The following ZNF808 variants were observed in gnomAD, a reference collection of about 807,000 sequenced individuals.
The protein encoded by ZNF808 is zinc finger protein 808.
A neutral mutation model predicts 8.7 loss-of-function variants in ZNF808; 5 were observed. That is an observed-to-expected ratio of 0.58 (90% CI 0.30 to 1.21). The LOEUF is 1.21. Ranked by LOEUF, ZNF808 falls within the 50% of genes most tolerant of loss-of-function variation. The pLI is 0.07. For missense variants in ZNF808, 1,103 were observed against 1,098.4 expected (o/e 1.00, Z -0.06); for synonymous variants, 380 against 366.0 (o/e 1.04, Z -0.44).
At position 52,547,706 on chromosome 19, in the gene ZNF808, A is replaced by G. The variant is rs918953466; in HGVS notation, c.190+68A>G. 4.3e-6 allele frequency: 6 copies of G among 1,381,562 alleles called. No individual in the cohort carries two copies. In the African/African-American group the frequency reaches 1.1e-4, roughly 24 times the overall value. 85.6% of individuals were successfully genotyped at this position (1,381,562 alleles called of 1,614,324 possible). A position where few individuals can be genotyped will look rare whatever the true frequency, so the allele number is the denominator to read the frequency against. ...CTATCTTGGCTCTTCCTGGTTTTGT[A>G]TTCTCTTTTGTGATTTTGCCCCATC... On this transcript the variant is annotated intron_variant, in intron 4 of 4. Transcript: ENST00000359798.
At chr19:52,537,141 G>T (rs910770663) in intron 2 of ZNF808, among the ~76,000 whole-genome samples, 3 of 151,870 alleles carry the variant, frequency 2.0e-5, no homozygotes, top group African/African-American at 4.8e-5. Context: ...AGCCGAGATC[G>T]CACCATTGCA....
intron 3 of ZNF808, among the ~76,000 whole-genome samples, chr19:52,545,567 C>T (rs561411444): frequency 1.8e-4 from 28 of 152,260 alleles, no homozygotes; most frequent in Admixed American, 1.7e-3. Context: ...CTCATGACAT[C>T]AGGAGTTCAA....
intron 1 of ZNF808, among the ~76,000 whole-genome samples, chr19:52,531,499 T>A (rs548817740): frequency 8.4e-4 from 127 of 151,786 alleles, no homozygotes; most frequent in African/African-American, 3.0e-3. Flanking sequence ...ATTAATTAAT[T>A]AATTAATAAT....
chr19:52,530,769 T>C (rs1289549438), intron 1 of ZNF808, among the ~76,000 whole-genome samples: 1 of 151,998 alleles, frequency 6.6e-6, no homozygotes, highest in Non-Finnish European at 1.5e-5. Context: ...GGCCAGGAGC[T>C]CGAGACCAAC....
downstream of ZNF808, among the ~76,000 whole-genome samples, chr19:52,558,799 T>G (rs193079872): frequency 2.5e-3 from 383 of 152,292 alleles, no homozygotes; most frequent in African/African-American, 8.8e-3. Context: ...TCTTCTGCCT[T>G]GAGATGCTGT....
Position 52,529,892 on chromosome 19 carries a change from CAT to C in ZNF808, c.-122+2200_-122+2201del, listed in dbSNP as rs536138507. Reference sequence around the variant, plus strand: ...TGAGCCACCAAGCCCAGCTAGTTTACATATATATATATATATATATTTTTTTT... The same window carrying C: ...TGAGCCACCAAGCCCAGCTAGTTTACATATATATATATATATATTTTTTTT... On this transcript the variant is annotated intron_variant, in intron 1 of 4. Coordinates refer to ENST00000359798, the MANE Select transcript of ZNF808 (RefSeq NM_001039886.4). Among the ~76,000 whole-genome samples, 816 of 141,940 alleles carry C rather than the reference CAT, an allele frequency of 5.7e-3. 7 individuals carry two copies. Among genetic ancestry groups the C allele is most frequent in the African/African-American group, 0.018 (708 of 38,348 alleles). 93.1% of individuals were successfully genotyped at this position (141,940 alleles called of 152,430 possible).
downstream of ZNF808, among the ~76,000 whole-genome samples, chr19:52,557,376 C>T (rs1358367941): frequency 1.3e-5 from 2 of 151,938 alleles, no homozygotes; most frequent in African/African-American, 4.8e-5. Flanking sequence ...AAGGCATTCT[C>T]CTGCCTCAGC....
chr19:52,533,242 C>T (rs1348363480), intron 2 of ZNF808, among the ~76,000 whole-genome samples: 2 of 151,834 alleles, frequency 1.3e-5, no homozygotes, highest in African/African-American at 2.4e-5. Flanking sequence ...TCCTTTCCAA[C>T]GGAGACACAG....
chr19:52,552,912 T>C (rs1454886196), intron 4 of ZNF808, among the ~76,000 whole-genome samples, 195 bp from the exon 5 acceptor site: 2 of 152,332 alleles, frequency 1.3e-5, no homozygotes, highest in East Asian at 3.9e-4. Context: ...AAATAGACTT[T>C]CATAGAATTG....
downstream of ZNF808, among the ~76,000 whole-genome samples, chr19:52,558,848 A>G (rs1479521367): frequency 6.6e-6 from 1 of 152,210 alleles, no homozygotes; most frequent in Non-Finnish European, 1.5e-5. Context: ...GCTGGCAGAA[A>G]CATGTGCTGT....
At chr19:52,561,036 G>T (rs2059854533), downstream of ZNF808, among the ~76,000 whole-genome samples, 1 of 152,026 alleles carries the variant, frequency 6.6e-6, no homozygotes, top group African/African-American at 2.4e-5. Context: ...ATCAGTGTGT[G>T]CAGGGCATCA....
chr19:52,553,472 G>T lies in ZNF808; in HGVS notation c.556G>T (p.Asp186Tyr). Residue 186 changes from aspartate to tyrosine, a missense_variant, in exon 5 of 5, where the codon GAT becomes TAT. Physicochemically the swap from Asp to Tyr is radical, Grantham distance 160. Coordinates refer to ENST00000359798, the MANE Select transcript of ZNF808 (RefSeq NM_001039886.4). ...IANQLEKSTSDASSVSTSQRI... is the reference protein window; with the variant it reads ...IANQLEKSTSYASSVSTSQRI... ...TAATCAACTTGAGAAGTCTACCAGT[G>T]ATGCTTCCTCAGTTTCAACATCCCA... is the stretch of plus-strand genomic sequence containing the variant. The T allele has an allele frequency of 6.2e-7, 1 of 1,614,142 alleles. No homozygotes were observed. Among genetic ancestry groups the T allele is most frequent in the Non-Finnish European group, 8.5e-7 (1 of 1,180,030 alleles).
Position 52,555,775 on chromosome 19 carries a change from T to C in ZNF808, c.*147T>C. ...ACATTGCAGTTCATTGGCAACCTCA[T>C]ACTGGAGAGAAACCTTACAAATGTC... On this transcript the variant is annotated 3_prime_UTR_variant, in exon 5 of 5. Coordinates refer to ENST00000359798, the MANE Select transcript of ZNF808 (RefSeq NM_001039886.4). 1 of 1,191,088 alleles carries C rather than the reference T, an allele frequency of 8.4e-7. No individual in the cohort carries two copies. Among genetic ancestry groups the C allele is most frequent in the Non-Finnish European group, 1.2e-6 (1 of 820,452 alleles). The allele number at this position is 1,191,088 out of a possible 1,614,324, so 73.8% of individuals were successfully genotyped here. A position where few individuals can be genotyped will look rare whatever the true frequency, so the allele number is the denominator to read the frequency against.
Position 52,554,891 on chromosome 19 carries a change from A to G in ZNF808, c.1975A>G (p.Thr659Ala). The G allele has an allele frequency of 8.7e-6, 14 of 1,614,134 alleles. No homozygotes were observed. Among genetic ancestry groups the G allele is most frequent in the Non-Finnish European group, 1.2e-5 (14 of 1,180,012 alleles). ...TTACAAGTGTAATGAGTGTGGGAAG[A>G]CCTTCAGTTACAAGTCATCACTTGT... ...KTYKCNECGK[T>A]FSYKSSLVWH... The change falls in exon 5 of 5, where the codon ACC (threonine) becomes GCC (alanine). Residue 659 changes from threonine to alanine, a missense_variant. By Grantham distance (58) the Thr-to-Ala change is moderately conservative. Coordinates refer to ENST00000359798, the MANE Select transcript of ZNF808 (RefSeq NM_001039886.4).
At chr19:52,530,937 A>G (rs1473734420) in intron 1 of ZNF808, among the ~76,000 whole-genome samples, 1 of 152,030 alleles carries the variant, frequency 6.6e-6, no homozygotes, top group Non-Finnish European at 1.5e-5. Context: ...TGATCACACT[A>G]CTGCACTCCA....
chr19:52,536,500 C>G (rs2059612793), intron 2 of ZNF808, among the ~76,000 whole-genome samples: 2 of 152,220 alleles, frequency 1.3e-5, no homozygotes, highest in South Asian at 4.1e-4. Context: ...CGCCGTCGCC[C>G]CCTACATCCC....
At chr19:52,539,545 GTGGTTTT>G (rs979501601) in intron 2 of ZNF808, among the ~76,000 whole-genome samples, 1 of 84,238 alleles carries the variant, frequency 1.2e-5, no homozygotes, top group African/African-American at 4.8e-5. Flanking sequence ...TTTTGTTGTG[GTGGTTTT>G]TTTTTTTTTT....
chr19:52,562,928 C>T (rs1455737090), intron 3 of ZNF808, among the ~76,000 whole-genome samples: 8 of 152,060 alleles, frequency 5.3e-5, no homozygotes, highest in Non-Finnish European at 1.0e-4. Context: ...TGCCTACCAC[C>T]GTGCCCAGCT....
rs780231105 is a variant in ZNF808 at position 52,553,146 on chromosome 19, C to G, written c.230C>G (p.Thr77Arg). ...CACATGATGAAGGAGGTCTTGTCAACAGGGCAAGGCAATAGAGAAGTGATC... is the reference window on the plus strand; with the variant it reads ...CACATGATGAAGGAGGTCTTGTCAAGAGGGCAAGGCAATAGAGAAGTGATC... Reference protein sequence around the residue: ...SKHMMKEVLSTGQGNREVIHT... With the variant: ...SKHMMKEVLSRGQGNREVIHT... The change falls in exon 5 of 5, where the codon ACA becomes AGA. Residue 77 changes from threonine to arginine, a missense_variant. Transcript: ENST00000359798. 2 of 1,577,662 alleles carry G rather than the reference C, an allele frequency of 1.3e-6. No homozygotes were observed. The highest frequency in any genetic ancestry group is 1.7e-6 in the Non-Finnish European group (2 of 1,166,018).
Sources: gnomAD v4.1 joint callset for allele counts (sites outside exome capture counted in the v4.1 genomes callset) on GRCh38, gnomAD v4.1.1 for gene constraint, MANE v1.5 for transcripts, NCBI Gene and HGNC (gene_info 2026-07-23, HGNC 2026-07-21) for gene names.